The following LUC7L2 variants were observed in gnomAD, a reference collection of about 807,000 sequenced individuals.
The protein encoded by LUC7L2 is putative RNA-binding protein Luc7-like 2.
Under a neutral mutation model 52.8 loss-of-function variants are expected in LUC7L2, and 25 were observed. That is an observed-to-expected ratio of 0.47 (90% CI 0.34 to 0.66). The LOEUF (loss-of-function observed/expected upper bound fraction) is 0.66. LUC7L2 is among the 30% of genes least tolerant of loss of function. LUC7L2 has a pLI of 0.01. For missense variants in LUC7L2, 328 were observed against 497.8 expected (o/e 0.66, Z 3.25); for synonymous variants, 144 against 160.9 (o/e 0.89, Z 0.80).
intron 2 of LUC7L2, among the ~76,000 whole-genome samples, chr7:139,384,291 A>C (rs986302147): frequency 3.9e-5 from 6 of 152,028 alleles, no homozygotes; most frequent in African/African-American, 1.5e-4. Flanking sequence ...AAATGTATAT[A>C]TATTTCATAT....
chr7:139,346,596 T>G (rs1010308756), intron 1 of LUC7L2, among the ~76,000 whole-genome samples: 1 of 152,058 alleles, frequency 6.6e-6, no homozygotes, highest in Non-Finnish European at 1.5e-5. Flanking sequence ...AGAGGTCTTT[T>G]TATATTTTAT....
rs906746256 is a variant in LUC7L2 at position 139,409,806 on chromosome 7, A to G, written c.779+152A>G. On this transcript the variant is annotated intron_variant, in intron 7 of 9. Transcript: ENST00000354926. Reference sequence around the variant, plus strand: ...AAAATATTACTGTGCGAATTATATAAATGTTTAATTATACAAGTATCGTAA... The same window carrying G: ...AAAATATTACTGTGCGAATTATATAGATGTTTAATTATACAAGTATCGTAA... The G allele has an allele frequency of 2.9e-5, 35 of 1,221,218 alleles. No homozygotes were observed. The Admixed American group carries it at 3.3e-4, about 12-fold the overall frequency. The allele number at this position is 1,221,218 out of a possible 1,614,324, so 75.6% of individuals were successfully genotyped here.
At chr7:139,375,316 A>G (rs1188950177) in intron 1 of LUC7L2, 2 of 985,286 alleles carry the variant, frequency 2.0e-6, no homozygotes, top group Non-Finnish European at 2.4e-6. Flanking sequence ...GACAGAATGA[A>G]TTTAAATATA....
Position 139,379,347 on chromosome 7 carries a change from G to C in LUC7L2, c.156+3191G>C, listed in dbSNP as rs555003389. Among the ~76,000 whole-genome samples, 4 of 149,432 alleles carry C rather than the reference G, an allele frequency of 2.7e-5. No individual in the cohort carries two copies. The East Asian group carries it at 7.8e-4, about 29-fold the overall frequency. ...TAAGACTCTGTCACAAAGGAAAAAA[G>C]TATCCAGAAATGCATTTCCTGCCTT... On this transcript the variant is annotated intron_variant, in intron 2 of 9. Transcript: ENST00000354926.
At chr7:139,416,268 A>G (rs1273997884) in intron 8 of LUC7L2, 1 of 150,478 alleles carries the variant, frequency 6.6e-6, no homozygotes, top group Non-Finnish European at 1.5e-5. Flanking sequence ...TTCCACCCTC[A>G]CCATGCACCC....
At chr7:139,341,332 T>G in intron 1 of LUC7L2, 7 of 1,546,574 alleles carry the variant, frequency 4.5e-6, no homozygotes, top group South Asian at 2.3e-5. Flanking sequence ...GGAGGAGGGG[T>G]TTTCAGGGTC....
At chr7:139,410,143 G>T (rs1188210837) in intron 7 of LUC7L2, among the ~76,000 whole-genome samples, 1 of 151,944 alleles carries the variant, frequency 6.6e-6, no homozygotes, top group Non-Finnish European at 1.5e-5. Context: ...GGGGGGCAGA[G>T]CCTGCAGTGA....
chr7:139,409,987 C>T (rs1795284932), intron 7 of LUC7L2, among the ~76,000 whole-genome samples: 1 of 152,098 alleles, frequency 6.6e-6, no homozygotes. Flanking sequence ...GCGGGTGGAT[C>T]ACGAGGTCAG....
At chr7:139,363,021 G>T (rs188507554) in intron 1 of LUC7L2, among the ~76,000 whole-genome samples, 1 of 152,224 alleles carries the variant, frequency 6.6e-6, no homozygotes, top group East Asian at 1.9e-4. Flanking sequence ...GACATTCCTG[G>T]GTGAGTGGTG....
intron 2 of LUC7L2, among the ~76,000 whole-genome samples, chr7:139,388,287 T>C (rs1794293843): frequency 6.6e-6 from 1 of 152,194 alleles, no homozygotes; most frequent in Non-Finnish European, 1.5e-5. Flanking sequence ...GTTATAAAAA[T>C]ATTTCCTATG....
intron 1 of LUC7L2, among the ~76,000 whole-genome samples, chr7:139,370,976 T>C (rs1272392325): frequency 6.6e-6 from 1 of 152,206 alleles, no homozygotes; most frequent in Non-Finnish European, 1.5e-5. Flanking sequence ...CCTCTCTAGC[T>C]CTAGCTTTCC....
chr7:139,351,004 C>T (rs1268489763), intron 1 of LUC7L2, among the ~76,000 whole-genome samples: 2 of 152,054 alleles, frequency 1.3e-5, no homozygotes, highest in East Asian at 3.9e-4. Context: ...TTACTCTAGT[C>T]ATTTTTCAGT....
At chr7:139,365,020 A>C (rs569013246) in intron 1 of LUC7L2, among the ~76,000 whole-genome samples, 4 of 152,318 alleles carry the variant, frequency 2.6e-5, no homozygotes, top group African/African-American at 9.6e-5. Context: ...AGAGCTTGTA[A>C]ATTCTTTAAT....
chr7:139,406,655 G>GTTT (rs1480549859), intron 5 of LUC7L2, among the ~76,000 whole-genome samples: 2 of 151,858 alleles, frequency 1.3e-5, no homozygotes, highest in Non-Finnish European at 1.5e-5. Flanking sequence ...GGCCTGGCCT[G>GTTT]TTTTTTTGTT....
chr7:139,349,621 C>T (rs866245038), intron 1 of LUC7L2, among the ~76,000 whole-genome samples: 5 of 150,882 alleles, frequency 3.3e-5, no homozygotes, highest in East Asian at 2.0e-4. Context: ...TGCTCCCCCC[C>T]CCCCCACCGG....
chr7:139,410,079 C>T (rs1192972806), intron 7 of LUC7L2, among the ~76,000 whole-genome samples: 5 of 151,996 alleles, frequency 3.3e-5, no homozygotes, highest in African/African-American at 7.3e-5. Context: ...AGGTGGCGGG[C>T]GCCTGTAGTC....
intron 1 of LUC7L2, among the ~76,000 whole-genome samples, chr7:139,351,312 A>G (rs28477480): frequency 0.21 from 31,658 of 152,154 alleles, 3,669 homozygotes; most frequent in African/African-American, 0.32. Flanking sequence ...TATCAGTTCA[A>G]TGACACTTTC....
intron 7 of LUC7L2, among the ~76,000 whole-genome samples, chr7:139,410,190 A>G (rs1468729070): frequency 6.6e-6 from 1 of 151,990 alleles, no homozygotes; most frequent in African/African-American, 2.4e-5. Context: ...CCTGGGCGAC[A>G]GCGAGACTCT....
chr7:139,403,270 T>C (rs1441168480), intron 4 of LUC7L2, among the ~76,000 whole-genome samples: 1 of 152,246 alleles, frequency 6.6e-6, no homozygotes, highest in African/African-American at 2.4e-5. Context: ...TGTTTATTTT[T>C]CTTATAGAGT....
Sources: allele counts gnomAD v4.1 joint callset (sites outside exome capture counted in the v4.1 genomes callset), GRCh38; gene constraint gnomAD v4.1.1; transcripts MANE v1.5; gene names NCBI Gene and HGNC (gene_info 2026-07-23, HGNC 2026-07-21).